The following DISC1 variants were observed in gnomAD, a reference collection of about 807,000 sequenced individuals.
DISC1 encodes the protein DISC1 scaffold protein.
Under a neutral mutation model 84.5 loss-of-function variants are expected in DISC1, and 57 were observed. The observed-to-expected ratio is 0.67, with a 90% confidence interval of 0.55 to 0.84. DISC1 has a LOEUF of 0.84. DISC1 is among the 40% of genes least tolerant of loss of function. The pLI, the probability that DISC1 is intolerant of heterozygous loss-of-function variation, is 0.00. For synonymous variants in DISC1, 411 were observed against 415.2 expected (o/e 0.99, Z 0.12); for missense variants, 1,000 against 1,057.8 (o/e 0.95, Z 0.76).
At chr1:231,853,229 G>C (rs1272436614) in intron 9 of DISC1, among the ~76,000 whole-genome samples, 1 of 152,150 alleles carries the variant, frequency 6.6e-6, no homozygotes, top group East Asian at 1.9e-4. Flanking sequence ...AATATTTGTA[G>C]AAACAAAATA....
chr1:231,805,603 G>A (rs934410432), intron 8 of DISC1, among the ~76,000 whole-genome samples: 3 of 151,296 alleles, frequency 2.0e-5, no homozygotes, highest in Non-Finnish European at 4.4e-5. Context: ...CTGCCCCTAT[G>A]ATCCAATCAC....
At chr1:231,901,449 A>C (rs1170155217) in intron 9 of DISC1, among the ~76,000 whole-genome samples, 1 of 152,208 alleles carries the variant, frequency 6.6e-6, no homozygotes, top group Non-Finnish European at 1.5e-5. Flanking sequence ...AATTAGAACC[A>C]AGTTCATATC....
At chr1:231,871,236 G>T (rs1232923190) in intron 9 of DISC1, among the ~76,000 whole-genome samples, 7 of 152,194 alleles carry the variant, frequency 4.6e-5, no homozygotes, top group African/African-American at 1.7e-4. Context: ...ACTTTGCAGA[G>T]CATTGCCTAT....
At chr1:231,719,227 C>T (rs908958793) in intron 3 of DISC1, among the ~76,000 whole-genome samples, 13 of 152,152 alleles carry the variant, frequency 8.5e-5, no homozygotes, top group African/African-American at 3.1e-4. Context: ...ATTGGCTGTC[C>T]TCTTGGCTAA....
At chr1:231,886,792 T>TTTCTTTCTTTCC (rs2086764678) in intron 9 of DISC1, among the ~76,000 whole-genome samples, 1 of 143,440 alleles carries the variant, frequency 7.0e-6, no homozygotes, top group African/African-American at 2.6e-5. Context: ...TCTTTCTTTC[T>TTTCTTTCTTTCC]TTCTTTCTTT....
chr1:231,674,254 T>G (rs2062915268), intron 1 of DISC1, among the ~76,000 whole-genome samples: 1 of 152,226 alleles, frequency 6.6e-6, no homozygotes, highest in Admixed American at 6.5e-5. Context: ...TTTTGATTTT[T>G]TTTTTTCCAA....
At position 232,039,676 on chromosome 1, in the gene DISC1, T is replaced by A. The variant is rs1013838199; in HGVS notation, c.*2845T>A. The stretch of plus-strand genomic sequence containing the variant: ...GAGACACAGGACTGTGTATCCTCAA[T>A]CATACTATACAGCAGTTTTTGTCAG... On this transcript the variant is annotated 3_prime_UTR_variant, in exon 13 of 13. Transcript: ENST00000439617. 6.6e-6 allele frequency: 1 copy of A among 152,266 alleles called. No individual in the cohort carries two copies. Among genetic ancestry groups the A allele is most frequent in the Non-Finnish European group, 1.5e-5 (1 of 68,024 alleles). 9.4% of individuals were successfully genotyped at this position (152,266 alleles called of 1,614,324 possible). A position where few individuals can be genotyped will look rare whatever the true frequency, so the allele number is the denominator to read the frequency against.
chr1:231,641,752 A>C (rs965534807), intron 1 of DISC1, among the ~76,000 whole-genome samples: 1 of 152,194 alleles, frequency 6.6e-6, no homozygotes, highest in Non-Finnish European at 1.5e-5. Context: ...CAGATTAGCT[A>C]GATACAGAGT....
At chr1:231,827,470 CT>C (rs1258131584) in intron 9 of DISC1, among the ~76,000 whole-genome samples, 2 of 152,132 alleles carry the variant, frequency 1.3e-5, no homozygotes, top group African/African-American at 4.8e-5. Context: ...TGTTTTCCTT[CT>C]TGGCATTATC....
chr1:231,694,067 A>G lies in DISC1; in HGVS notation c.309A>G (p.Ala103=), dbSNP rs764032506. 1.4e-5 allele frequency: 23 copies of G among 1,614,074 alleles called. No individual in the cohort carries two copies. Among genetic ancestry groups the G allele is most frequent in the Non-Finnish European group, 1.9e-5 (22 of 1,180,034 alleles). Residue 103 remains alanine, a synonymous_variant, in exon 2 of 13, where the codon GCA becomes GCG. Coordinates refer to ENST00000439617, the MANE Select transcript of DISC1 (RefSeq NM_018662.3). ...LLVRSPVSKS[A]AAPTVTSVRG... is the part of the protein sequence containing the mutation. ...TCCGGAGCCCTGTTTCCAAGAGTGCAGCAGCCCCTACTGTGACCTCTGTGA... is the reference window on the plus strand; with the variant it reads ...TCCGGAGCCCTGTTTCCAAGAGTGCGGCAGCCCCTACTGTGACCTCTGTGA...
chr1:232,005,678 T>A (rs899873173), intron 10 of DISC1, among the ~76,000 whole-genome samples: 1 of 151,648 alleles, frequency 6.6e-6, no homozygotes, highest in African/African-American at 2.4e-5. Context: ...TTTATGGACA[T>A]GGGCTTTGAG....
At chr1:231,863,349 G>A (rs914786163) in intron 9 of DISC1, among the ~76,000 whole-genome samples, 3 of 142,122 alleles carry the variant, frequency 2.1e-5, no homozygotes, top group Non-Finnish European at 3.0e-5. Context: ...TCCCACCTCA[G>A]CCTCCACAGT....
chr1:231,970,743 C>T (rs939458954), intron 10 of DISC1, among the ~76,000 whole-genome samples: 7 of 152,238 alleles, frequency 4.6e-5, no homozygotes, highest in African/African-American at 1.2e-4. Flanking sequence ...CTGTGGTTTG[C>T]GCAATTCAAC....
chr1:231,770,953 C>T lies in DISC1; in HGVS notation c.1517C>T (p.Pro506Leu). 6.2e-7 allele frequency: 1 copy of T among 1,614,054 alleles called. No homozygotes were observed. The change falls in exon 6 of 13, where the codon CCA (proline) becomes CTA (leucine). Residue 506 changes from proline (P) to leucine (L), a missense_variant. Around this residue, in one of 3 missense-constraint regions of DISC1, gnomAD observed 311 missense variants for 400.1 expected, o/e 0.78. Coordinates refer to ENST00000439617, the MANE Select transcript of DISC1 (RefSeq NM_018662.3). The part of the protein sequence containing the change: ...QLQWQGCDLT[P>L]LVGQLSLGQL... ...CAGTGGCAGGGCTGCGACCTGACCC[C>T]ACTGGTGGGCCAGCTGTCCCTGGGT...
intron 6 of DISC1, among the ~76,000 whole-genome samples, chr1:231,783,435 A>G (rs2077583157): frequency 6.6e-6 from 1 of 152,116 alleles, no homozygotes. Flanking sequence ...TCATTTTTTC[A>G]TTATTAAACC....
At chr1:231,767,639 T>A (rs1340506682) in intron 5 of DISC1, among the ~76,000 whole-genome samples, 1 of 152,196 alleles carries the variant, frequency 6.6e-6, no homozygotes, top group Non-Finnish European at 1.5e-5. Flanking sequence ...GCCAAGTGGG[T>A]CTTTGCTTTC....
chr1:231,923,654 C>T (rs1395704048), intron 9 of DISC1, among the ~76,000 whole-genome samples: 1 of 152,252 alleles, frequency 6.6e-6, no homozygotes, highest in Non-Finnish European at 1.5e-5. Flanking sequence ...ACAAGGCACG[C>T]TGACGCTGTT....
At chr1:231,870,344 C>G (rs561849191) in intron 9 of DISC1, among the ~76,000 whole-genome samples, 57 of 152,352 alleles carry the variant, frequency 3.7e-4, no homozygotes, top group African/African-American at 1.3e-3. Context: ...AAAGTCCTTT[C>G]TTAGATGAGC....
intron 10 of DISC1, among the ~76,000 whole-genome samples, chr1:231,963,925 A>G (rs914843119): frequency 2.6e-5 from 4 of 152,224 alleles, no homozygotes; most frequent in Non-Finnish European, 4.4e-5. Context: ...AGAACAGGAC[A>G]GGGATTTTCA....
Sources: gnomAD v4.1 joint callset for allele counts (sites outside exome capture counted in the v4.1 genomes callset) on GRCh38, gnomAD v4.1.1 for gene constraint, gnomAD v4.1.1 regional missense constraint, MANE v1.5 for transcripts, NCBI Gene and HGNC (gene_info 2026-07-23, HGNC 2026-07-21) for gene names.